Variants in IMMP2L observed in about 807,000 individuals in gnomAD.
The protein encoded by IMMP2L is mitochondrial inner membrane protease subunit 2.
Under a neutral mutation model 19.3 loss-of-function variants are expected in IMMP2L, and 18 were observed. The observed-to-expected ratio is 0.93, with a 90% CI of 0.64 to 1.38. IMMP2L has a LOEUF of 1.38. Among genes scored for constraint, IMMP2L ranks in the 40% most tolerant of loss-of-function variants. The pLI, the probability that IMMP2L is intolerant of heterozygous loss-of-function variation, is 0.00. For missense variants in IMMP2L, 233 were observed against 218.2 expected (o/e 1.07, Z -0.43); for synonymous variants, 76 against 73.0 (o/e 1.04, Z -0.21).
intron 5 of IMMP2L, among the ~76,000 whole-genome samples, chr7:110,781,394 T>C (rs2131082868): frequency 1.3e-5 from 2 of 151,922 alleles, no homozygotes; most frequent in Middle Eastern, 6.8e-3. Context: ...ATTTTTAAGG[T>C]GAATAAAATG....
chr7:110,745,714 CA>C (rs1305618994), intron 5 of IMMP2L, among the ~76,000 whole-genome samples: 1 of 152,142 alleles, frequency 6.6e-6, no homozygotes, highest in Non-Finnish European at 1.5e-5. Context: ...GAGATTTTGT[CA>C]CCACCAGGCC....
At chr7:110,972,813 G>A (rs984099214) in intron 3 of IMMP2L, among the ~76,000 whole-genome samples, 1 of 152,064 alleles carries the variant, frequency 6.6e-6, no homozygotes, top group African/African-American at 2.4e-5. Flanking sequence ...AGAGAACACA[G>A]AAGCACTGAC....
intron 3 of IMMP2L, among the ~76,000 whole-genome samples, chr7:111,023,115 G>A (rs1381101687): frequency 6.6e-6 from 1 of 152,198 alleles, no homozygotes; most frequent in Non-Finnish European, 1.5e-5. Flanking sequence ...TGGACATGAG[G>A]ATGTGATGTG....
chr7:111,160,749 T>C (rs1381319306), intron 3 of IMMP2L, among the ~76,000 whole-genome samples: 2 of 149,838 alleles, frequency 1.3e-5, no homozygotes, highest in Non-Finnish European at 3.0e-5. Context: ...TTAAAAAATA[T>C]AAAATAAATA....
At chr7:111,287,291 A>C (rs901600048) in intron 3 of IMMP2L, among the ~76,000 whole-genome samples, 14 of 152,264 alleles carry the variant, frequency 9.2e-5, no homozygotes, top group African/African-American at 3.4e-4. Flanking sequence ...ATACAAAATG[A>C]ATCTCTAAAC....
At chr7:110,786,237 T>C (rs1800069160) in intron 5 of IMMP2L, among the ~76,000 whole-genome samples, 1 of 152,004 alleles carries the variant, frequency 6.6e-6, no homozygotes. Context: ...AATACATAGT[T>C]ACTTGAATCT....
chr7:111,228,348 A>G (rs1813329954), intron 3 of IMMP2L, among the ~76,000 whole-genome samples: 1 of 152,056 alleles, frequency 6.6e-6, no homozygotes, highest in South Asian at 2.1e-4. Context: ...GTCTATTTCT[A>G]TCAATTTGTA....
At chr7:111,502,507 C>T (rs1844393829) in intron 2 of IMMP2L, among the ~76,000 whole-genome samples, 1 of 152,100 alleles carries the variant, frequency 6.6e-6, no homozygotes, top group African/African-American at 2.4e-5. Context: ...CCCAAATCAA[C>T]AGAATATACA....
chr7:111,009,722 A>G (rs1824724650), intron 3 of IMMP2L, among the ~76,000 whole-genome samples: 1 of 152,134 alleles, frequency 6.6e-6, no homozygotes, highest in African/African-American at 2.4e-5. Flanking sequence ...TGGCAACACC[A>G]TAAGCACAGT....
chr7:111,486,580 ATTTACT>A (rs150395099), intron 3 of IMMP2L, among the ~76,000 whole-genome samples: 1,607 of 152,236 alleles, frequency 0.011, 34 homozygotes, highest in African/African-American at 0.036. Flanking sequence ...CCTAGTGTAA[ATTTACT>A]TTTAAAGCAA....
At chr7:110,863,244 T>C (rs1400612111) in intron 5 of IMMP2L, among the ~76,000 whole-genome samples, 3 of 152,100 alleles carry the variant, frequency 2.0e-5, no homozygotes. Context: ...TTTTACTCAC[T>C]TTACATGTTG....
At chr7:111,354,274 A>G (rs1828473084) in intron 3 of IMMP2L, among the ~76,000 whole-genome samples, 1 of 152,068 alleles carries the variant, frequency 6.6e-6, no homozygotes, top group African/African-American at 2.4e-5. Context: ...GATACCTATT[A>G]AGGTAACATA....
chr7:111,339,669 G>C lies in IMMP2L; in HGVS notation c.239+147569C>G, dbSNP rs546740037. Reference sequence around the variant, plus strand: ...TAGATAAAAACTATTCAGTACAATTGAACATGAAACAAAGATACAAAAGCT... The same window carrying C: ...TAGATAAAAACTATTCAGTACAATTCAACATGAAACAAAGATACAAAAGCT... On this transcript the variant is annotated intron_variant, in intron 3 of 5. Coordinates refer to ENST00000405709, the MANE Select transcript of IMMP2L (RefSeq NM_032549.4). Among the ~76,000 whole-genome samples, 3 of 151,942 alleles carry C rather than the reference G, an allele frequency of 2.0e-5. No homozygotes were observed. In the South Asian group the frequency reaches 6.2e-4, roughly 32 times the overall value.
intron 3 of IMMP2L, among the ~76,000 whole-genome samples, chr7:111,305,262 A>G (rs1822738199): frequency 6.6e-6 from 1 of 152,148 alleles, no homozygotes; most frequent in Admixed American, 6.6e-5. Context: ...AACCCAGAAT[A>G]GCAGTAGTGT....
At chr7:110,829,239 T>G (rs184051626) in intron 5 of IMMP2L, among the ~76,000 whole-genome samples, 1 of 152,044 alleles carries the variant, frequency 6.6e-6, no homozygotes, top group African/African-American at 2.4e-5. Flanking sequence ...GGTTAGAAAA[T>G]GTAGATGGAA....
At chr7:111,333,412 C>T (rs143270763) in intron 3 of IMMP2L, among the ~76,000 whole-genome samples, 6 of 151,940 alleles carry the variant, frequency 3.9e-5, no homozygotes, top group African/African-American at 7.2e-5. Flanking sequence ...CCTGGTTGTA[C>T]GAAGGATAGT....
intron 3 of IMMP2L, among the ~76,000 whole-genome samples, chr7:111,232,284 G>C (rs528511996): frequency 1.3e-5 from 2 of 150,308 alleles, no homozygotes; most frequent in East Asian, 3.9e-4. Flanking sequence ...TCAATTAGGA[G>C]AATAAAGAAT....
chr7:111,281,156 C>CAGA (rs1819707950), intron 3 of IMMP2L, among the ~76,000 whole-genome samples: 1 of 67,814 alleles, frequency 1.5e-5, no homozygotes, highest in Non-Finnish European at 2.7e-5. Context: ...GACAGAAAGA[C>CAGA]AGAAAGAAAG....
chr7:110,968,091 T>C (rs192334818), intron 3 of IMMP2L, among the ~76,000 whole-genome samples: 57 of 152,092 alleles, frequency 3.7e-4, no homozygotes, highest in Admixed American at 3.4e-3. Flanking sequence ...GAAATGGAAA[T>C]AGAGTCTTGC....
Sources: gnomAD v4.1 joint callset for allele counts (sites outside exome capture counted in the v4.1 genomes callset) on GRCh38, gnomAD v4.1.1 for gene constraint, MANE v1.5 for transcripts, NCBI Gene and HGNC (gene_info 2026-07-23, HGNC 2026-07-21) for gene names.